RPS6KC1: variants seen among roughly 807,000 people sequenced by gnomAD.
RPS6KC1 encodes ribosomal protein S6 kinase C1.
RPS6KC1 carries 54 observed loss-of-function variants against 103.8 expected under a neutral mutation model. The ratio of observed to expected loss-of-function variants is 0.52; its 90% CI spans 0.42 to 0.65. RPS6KC1 has a LOEUF of 0.65. RPS6KC1 is among the 30% of genes least tolerant of loss of function. The pLI, the probability that RPS6KC1 is intolerant of heterozygous loss-of-function variation, is 0.00. For missense variants in RPS6KC1, 1,151 were observed against 1,253.8 expected (o/e 0.92, Z 1.24); for synonymous variants, 439 against 438.7 (o/e 1.00, Z -0.01).
chr1:213,074,508 T>C (rs2079136714), intron 2 of RPS6KC1, among the ~76,000 whole-genome samples: 1 of 152,210 alleles, frequency 6.6e-6, no homozygotes, highest in African/African-American at 2.4e-5. Context: ...GTAGTGGAAG[T>C]ATATCTTTGT....
At chr1:213,850,659 G>C in the RPS6KC1 span, among the ~76,000 whole-genome samples, 3 of 152,134 alleles carry the variant, frequency 2.0e-5, no homozygotes, top group Non-Finnish European at 2.9e-5. Flanking sequence ...TTTTTTACGT[G>C]TTTGTTCCCT....
chr1:213,384,389 G>A, the RPS6KC1 span, among the ~76,000 whole-genome samples: 3 of 152,094 alleles, frequency 2.0e-5, no homozygotes, highest in Non-Finnish European at 2.9e-5. Flanking sequence ...AGGTCAAGGG[G>A]ATGTGGCCAG....
intron 4 of RPS6KC1, among the ~76,000 whole-genome samples, chr1:213,108,171 A>G (rs1041971870): frequency 6.6e-6 from 1 of 152,104 alleles, no homozygotes; most frequent in Non-Finnish European, 1.5e-5. Context: ...ATACCCAGGA[A>G]CTTTTCGAGT....
Position 213,146,204 on chromosome 1 carries a change from G to T in RPS6KC1, c.835+16315G>T, listed in dbSNP as rs556735924. On this transcript the variant is annotated intron_variant, in intron 6 of 14. Transcript: ENST00000366960. ...AATAATTTTCAGTTCCATCCATGGCGTCGCAAATGACAGGATCTCATTCTT... is the reference window on the plus strand; with the variant it reads ...AATAATTTTCAGTTCCATCCATGGCTTCGCAAATGACAGGATCTCATTCTT... 2.0e-5 allele frequency among the ~76,000 whole-genome samples: 3 copies of T among 150,964 alleles called. No homozygotes were observed. In the Admixed American group the frequency reaches 2.0e-4, roughly 10 times the overall value.
chr1:213,756,591 A>T, the RPS6KC1 span, among the ~76,000 whole-genome samples: 47 of 152,286 alleles, frequency 3.1e-4, no homozygotes, highest in South Asian at 7.9e-3. Context: ...AATTTTTGAG[A>T]ATATTTGAAA....
chr1:213,689,372 G>T, the RPS6KC1 span, among the ~76,000 whole-genome samples: 1 of 152,322 alleles, frequency 6.6e-6, no homozygotes, highest in South Asian at 2.1e-4. Flanking sequence ...CTTAGGGCTA[G>T]CTCTGGTGAT....
chr1:213,332,323 T>C, the RPS6KC1 span, among the ~76,000 whole-genome samples: 1 of 152,256 alleles, frequency 6.6e-6, no homozygotes, highest in African/African-American at 2.4e-5. Context: ...GATATGTTTT[T>C]AGGTAGGAGG....
At chr1:213,660,436 C>T in the RPS6KC1 span, among the ~76,000 whole-genome samples, 2 of 152,184 alleles carry the variant, frequency 1.3e-5, no homozygotes, top group African/African-American at 2.4e-5. Context: ...CACCCATGGG[C>T]GGAGCCCTAA....
chr1:213,315,013 G>A, the RPS6KC1 span, among the ~76,000 whole-genome samples: 1 of 152,256 alleles, frequency 6.6e-6, no homozygotes, highest in South Asian at 2.1e-4. Context: ...TTCGAGCCCC[G>A]TAATTCAACC....
the RPS6KC1 span, among the ~76,000 whole-genome samples, chr1:213,754,369 T>G: frequency 2.0e-5 from 3 of 152,212 alleles, no homozygotes; most frequent in Non-Finnish European, 4.4e-5. Context: ...CAAAGGCCCT[T>G]GATATGGTTT....
chr1:213,186,250 T>A (rs2092526129), intron 8 of RPS6KC1, among the ~76,000 whole-genome samples: 1 of 152,038 alleles, frequency 6.6e-6, no homozygotes, highest in Non-Finnish European at 1.5e-5. Flanking sequence ...CCTTTAGCAT[T>A]TCTTATAATG....
the RPS6KC1 span, among the ~76,000 whole-genome samples, chr1:213,855,429 T>C: frequency 6.6e-6 from 1 of 152,234 alleles, no homozygotes; most frequent in East Asian, 1.9e-4. Flanking sequence ...CCTTGTCACC[T>C]GACACTGCCT....
intron 3 of RPS6KC1, among the ~76,000 whole-genome samples, chr1:213,099,533 G>T (rs997030250): frequency 1.3e-5 from 2 of 152,134 alleles, no homozygotes; most frequent in Admixed American, 1.3e-4. Flanking sequence ...TTTACACACA[G>T]TTAAATGCAC....
chr1:213,274,094 CCCTTTTT>C lies in RPS6KC1; in HGVS notation c.*1468_*1474del, dbSNP rs1368369692. On this transcript the variant is annotated 3_prime_UTR_variant, in exon 15 of 15. Coordinates refer to ENST00000366960, the MANE Select transcript of RPS6KC1 (RefSeq NM_012424.6). ...TTTTCCTTTTTCTATTATTCTATTT[CCCTTTTT>C]CCTTTTTGGCCCCCTTATAATCCAA... 6.6e-6 allele frequency: 1 copy of C among 152,122 alleles called. No homozygotes were observed. The highest frequency in any genetic ancestry group is 2.4e-5 in the African/African-American group (1 of 41,432). The allele number at this position is 152,122 out of a possible 1,614,324, so 9.4% of individuals were successfully genotyped here. A position where few individuals can be genotyped will look rare whatever the true frequency, so the allele number is the denominator to read the frequency against.
the RPS6KC1 span, among the ~76,000 whole-genome samples, chr1:213,316,276 A>G: frequency 1.4e-4 from 22 of 152,332 alleles, no homozygotes; most frequent in East Asian, 2.5e-3. Flanking sequence ...CTCCCCAGCC[A>G]TGCTGAATGG....
the RPS6KC1 span, among the ~76,000 whole-genome samples, chr1:213,546,632 G>A: frequency 6.6e-6 from 1 of 152,118 alleles, no homozygotes; most frequent in Non-Finnish European, 1.5e-5. Context: ...GATTTTGGCA[G>A]TGTGCCCAGC....
the RPS6KC1 span, among the ~76,000 whole-genome samples, chr1:213,522,871 C>G: frequency 6.6e-6 from 1 of 152,212 alleles, no homozygotes; most frequent in East Asian, 1.9e-4. Flanking sequence ...AGCAAGATGG[C>G]TATTTTGCTT....
chr1:213,248,981 C>T (rs910407862), intron 12 of RPS6KC1, among the ~76,000 whole-genome samples: 7 of 152,160 alleles, frequency 4.6e-5, no homozygotes, highest in African/African-American at 1.7e-4. Context: ...GGGTTTATGT[C>T]AAGCTTTAGA....
chr1:213,511,159 A>G, the RPS6KC1 span, among the ~76,000 whole-genome samples: 1 of 149,654 alleles, frequency 6.7e-6, no homozygotes, highest in Non-Finnish European at 1.5e-5. Context: ...TCTGTTACGA[A>G]TTTTAAAATG....
Sources: allele counts gnomAD v4.1 joint callset (sites outside exome capture counted in the v4.1 genomes callset), GRCh38; gene constraint gnomAD v4.1.1; transcripts MANE v1.5; gene names NCBI Gene and HGNC (gene_info 2026-07-23, HGNC 2026-07-21).